CRPPA: variants seen among roughly 807,000 people sequenced by gnomAD.
The protein encoded by CRPPA is D-ribitol-5-phosphate cytidylyltransferase.
CRPPA carries 43 observed loss-of-function variants against 52.0 expected under a neutral mutation model. The observed-to-expected ratio is 0.83, with a 90% CI of 0.65 to 1.07. The LOEUF (loss-of-function observed/expected upper bound fraction) is 1.07, where lower values mean the gene tolerates loss of function less well. Ranked by LOEUF, CRPPA falls within the 50% of genes least tolerant of loss-of-function variation. CRPPA has a pLI of 0.00. For synonymous variants in CRPPA, 250 were observed against 203.5 expected (o/e 1.23, Z -1.94); for missense variants, 629 against 551.7 (o/e 1.14, Z -1.40).
At chr7:16,167,474 G>C (rs1182806950) in intron 9 of CRPPA, among the ~76,000 whole-genome samples, 1 of 152,150 alleles carries the variant, frequency 6.6e-6, no homozygotes, top group Non-Finnish European at 1.5e-5. Flanking sequence ...ATCTGCCCCA[G>C]GTTTTCCGAG....
intron 8 of CRPPA, among the ~76,000 whole-genome samples, chr7:16,253,435 T>A (rs59096069): frequency 0.021 from 3,207 of 152,336 alleles, 133 homozygotes; most frequent in East Asian, 0.19. Flanking sequence ...TTCTTAATCC[T>A]GAGTTCTAAT....
At chr7:16,254,699 G>A (rs1783566967) in intron 8 of CRPPA, among the ~76,000 whole-genome samples, 1 of 150,350 alleles carries the variant, frequency 6.7e-6, no homozygotes, top group African/African-American at 2.5e-5. Context: ...TAACAAACCT[G>A]CACATTGTGC....
intron 2 of CRPPA, among the ~76,000 whole-genome samples, chr7:16,402,085 A>C (rs932239841): frequency 7.2e-6 from 1 of 139,624 alleles, no homozygotes; most frequent in African/African-American, 2.5e-5. Context: ...TAATTTCCAC[A>C]CTAAGACCCA....
In CRPPA at chr7:16,376,366, T is replaced by A. The variant is rs567130309; in HGVS notation, c.535-125A>T. On this transcript the variant is annotated intron_variant, in intron 2 of 9. Transcript: ENST00000407010. The stretch of plus-strand genomic sequence containing the variant: ...TTCAACAAGCTACCTTAAGAAAACA[T>A]CTGAGTAAGTGTGATTGGTTCAAAA... 17 of 937,798 alleles carry A rather than the reference T, an allele frequency of 1.8e-5. No individual in the cohort carries two copies. In the South Asian group the frequency reaches 3.3e-4, roughly 18 times the overall value. The allele number at this position is 937,798 out of a possible 1,614,324, so 58.1% of individuals were successfully genotyped here. A position where few individuals can be genotyped will look rare whatever the true frequency, so the allele number is the denominator to read the frequency against.
chr7:16,149,855 G>A (rs537697606), intron 9 of CRPPA, among the ~76,000 whole-genome samples: 4 of 151,858 alleles, frequency 2.6e-5, no homozygotes, highest in African/African-American at 4.8e-5. Flanking sequence ...GCGTGGCAGC[G>A]GTCACCTGCA....
At chr7:16,312,439 T>C (rs1007212823) in intron 3 of CRPPA, among the ~76,000 whole-genome samples, 1 of 152,054 alleles carries the variant, frequency 6.6e-6, no homozygotes, top group African/African-American at 2.4e-5. Context: ...ACGAAAGCAA[T>C]GGGCTTTTAT....
chr7:16,186,120 C>G (rs1781500542), intron 9 of CRPPA, among the ~76,000 whole-genome samples: 1 of 152,120 alleles, frequency 6.6e-6, no homozygotes, highest in Admixed American at 6.5e-5. Context: ...GTAAATTTAT[C>G]TAGGTAGATA....
At chr7:16,204,043 A>G (rs1252318442) in intron 9 of CRPPA, among the ~76,000 whole-genome samples, 1 of 152,184 alleles carries the variant, frequency 6.6e-6, no homozygotes, top group African/African-American at 2.4e-5. Context: ...TTGCGTATCT[A>G]TGTTATTTAG....
chr7:16,170,760 C>T (rs369364653), intron 9 of CRPPA, among the ~76,000 whole-genome samples: 8 of 152,292 alleles, frequency 5.3e-5, no homozygotes, highest in South Asian at 2.1e-4. Context: ...AGAATTCAAG[C>T]GGGGTACAGG....
chr7:16,410,640 G>C (rs537455594), intron 1 of CRPPA, among the ~76,000 whole-genome samples: 2 of 152,100 alleles, frequency 1.3e-5, no homozygotes, highest in South Asian at 2.1e-4. Context: ...TGGCTCTCGA[G>C]CAAGACCCTT....
At chr7:16,104,513 AAAG>A (rs565768301) in intron 9 of CRPPA, among the ~76,000 whole-genome samples, 71 of 152,356 alleles carry the variant, frequency 4.7e-4, no homozygotes, top group African/African-American at 1.6e-3. Flanking sequence ...CAGGAAGACT[AAAG>A]AAGATGTTTC....
chr7:16,406,792 C>T (rs574151917), intron 1 of CRPPA, among the ~76,000 whole-genome samples: 1 of 152,274 alleles, frequency 6.6e-6, no homozygotes, highest in African/African-American at 2.4e-5. Context: ...TGGCAGCCAA[C>T]CACTTGAATA....
At chr7:16,148,282 CACT>C (rs1284984880) in intron 9 of CRPPA, among the ~76,000 whole-genome samples, 3 of 152,126 alleles carry the variant, frequency 2.0e-5, no homozygotes, top group Admixed American at 6.5e-5. Flanking sequence ...CTACCAACCA[CACT>C]ACTATTTATC....
intron 4 of CRPPA, among the ~76,000 whole-genome samples, chr7:16,305,507 C>T (rs915101023): frequency 6.6e-6 from 1 of 152,134 alleles, no homozygotes; most frequent in Admixed American, 6.6e-5. Flanking sequence ...GGGGATCGCC[C>T]TTTCAGCATG....
intron 8 of CRPPA, among the ~76,000 whole-genome samples, chr7:16,221,576 A>G (rs1782506812): frequency 6.6e-6 from 1 of 152,022 alleles, no homozygotes; most frequent in Admixed American, 6.6e-5. Flanking sequence ...CAGAATCTAC[A>G]ATGAACTCAA....
intron 9 of CRPPA, among the ~76,000 whole-genome samples, chr7:16,120,323 C>G (rs1294157639): frequency 6.6e-6 from 1 of 152,128 alleles, no homozygotes; most frequent in Non-Finnish European, 1.5e-5. Context: ...TTCTCATCCC[C>G]CACCATCTTC....
intron 1 of CRPPA, among the ~76,000 whole-genome samples, chr7:16,420,019 C>T (rs1381725604): frequency 6.6e-6 from 1 of 152,106 alleles, no homozygotes; most frequent in African/African-American, 2.4e-5. Context: ...AAGGTGAACC[C>T]GTGGGGCGGT....
intron 8 of CRPPA, among the ~76,000 whole-genome samples, chr7:16,235,159 A>G (rs1782913392): frequency 6.6e-6 from 1 of 152,066 alleles, no homozygotes; most frequent in Non-Finnish European, 1.5e-5. Flanking sequence ...CACGGTGGCT[A>G]TGGTAAGCTC....
rs186262202 is a variant in CRPPA at position 16,171,148 on chromosome 7, T to G, written c.1251+44918A>C. Among the ~76,000 whole-genome samples the G allele has an allele frequency of 4.5e-3, 681 of 152,344 alleles. 7 individuals carry two copies. Among genetic ancestry groups the G allele is most frequent in the African/African-American group, 0.016 (652 of 41,582 alleles). ...TCTCACCAGTATCTTGTGAAAATTA[T>G]TAAAGGATAGATTTTTGGCAGAAAG... On this transcript the variant is annotated intron_variant, in intron 9 of 9. Transcript: ENST00000407010.
Sources: allele counts gnomAD v4.1 joint callset (sites outside exome capture counted in the v4.1 genomes callset), GRCh38; gene constraint gnomAD v4.1.1; transcripts MANE v1.5; gene names NCBI Gene and HGNC (gene_info 2026-07-23, HGNC 2026-07-21).